Variants in RNF10 observed in about 807,000 individuals in gnomAD.
RNF10 encodes the protein ring finger protein 10.
A neutral mutation model predicts 91.4 loss-of-function variants in RNF10; 38 were observed. That is an observed-to-expected ratio of 0.42 (90% CI 0.32 to 0.54). The LOEUF (loss-of-function observed/expected upper bound fraction) is 0.54. Ranked by LOEUF, RNF10 falls within the 20% of genes least tolerant of loss-of-function variation. The pLI is 0.16. For synonymous variants in RNF10, 364 were observed against 366.3 expected (o/e 0.99, Z 0.07); for missense variants, 945 against 1,012.0 (o/e 0.93, Z 0.90).
chr12:120,563,527 G>T lies in RNF10; in HGVS notation c.1435G>T (p.Glu479Ter). 1.2e-6 allele frequency: 2 copies of T among 1,614,188 alleles called. No individual in the cohort carries two copies. Among genetic ancestry groups the T allele is most frequent in the Non-Finnish European group, 1.7e-6 (2 of 1,180,036 alleles). ...DLELADDNLKEGTICTESSQQ... is the reference protein window; with the variant it reads ...DLELADDNLK ...GGAGTTAGCAGATGACAATCTTAAA[G>T]AGGGGACCATTTGCACTGAGTCCAG... is the stretch of plus-strand genomic sequence containing the variant. The change falls in exon 9 of 17, where the codon GAG becomes TAG. Residue 479 changes from glutamate (E) to a stop codon, truncating the protein, a stop_gained. Transcript: ENST00000325954. LOFTEE classifies it high-confidence loss of function.
At chr12:120,542,916 A>G (rs1593053042) in intron 1 of RNF10, among the ~76,000 whole-genome samples, 1 of 152,254 alleles carries the variant, frequency 6.6e-6, no homozygotes, top group South Asian at 2.1e-4. Context: ...GTAGGAGTGA[A>G]CCTAGCCTGT....
chr12:120,572,462 G>A (rs1876790491), intron 14 of RNF10, among the ~76,000 whole-genome samples: 1 of 152,122 alleles, frequency 6.6e-6, no homozygotes, highest in Non-Finnish European at 1.5e-5. Flanking sequence ...TGGTAAGGAG[G>A]GTTCCGAAGT....
chr12:120,566,732 A>C (rs1452090694), intron 12 of RNF10, 93 bp from the exon 13 acceptor site: 8 of 1,196,516 alleles, frequency 6.7e-6, no homozygotes, highest in Non-Finnish European at 7.3e-6. Context: ...ACTACACTCC[A>C]GCCTGGGTGA....
intron 13 of RNF10, among the ~76,000 whole-genome samples, chr12:120,567,424 C>T (rs1173504469): frequency 1.3e-5 from 2 of 151,968 alleles, no homozygotes; most frequent in Admixed American, 6.6e-5. Context: ...ACCAGAAGGC[C>T]GGGCGTGGTG....
chr12:120,541,912 G>A (rs1871629802), intron 1 of RNF10, among the ~76,000 whole-genome samples: 1 of 150,500 alleles, frequency 6.6e-6, no homozygotes, highest in Non-Finnish European at 1.5e-5. Context: ...TGTCTCCCAG[G>A]CTGGAGTGCA....
chr12:120,535,110 T>C, intron 1 of RNF10, 142 bp downstream of exon 1: 2 of 919,950 alleles, frequency 2.2e-6, no homozygotes, highest in Non-Finnish European at 3.1e-6. Flanking sequence ...GGCTCTCATT[T>C]GCAGTTACAT....
At chr12:120,544,377 G>T (rs990219007) in intron 1 of RNF10, among the ~76,000 whole-genome samples, 3 of 150,712 alleles carry the variant, frequency 2.0e-5, no homozygotes, top group Non-Finnish European at 4.4e-5. Context: ...AAAAAAATTG[G>T]CTGGGAGTGT....
Position 120,563,189 on chromosome 12 carries a change from T to C in RNF10, c.1254+119T>C. 4 of 1,503,146 alleles carry C rather than the reference T, an allele frequency of 2.7e-6. No homozygotes were observed. The East Asian group carries it at 9.1e-5, about 34-fold the overall frequency. 93.1% of individuals were successfully genotyped at this position (1,503,146 alleles called of 1,614,324 possible). A position where few individuals can be genotyped will look rare whatever the true frequency, so the allele number is the denominator to read the frequency against. On this transcript the variant is annotated intron_variant, in intron 8 of 16. Coordinates refer to ENST00000325954, the MANE Select transcript of RNF10 (RefSeq NM_014868.5). Reference sequence around the variant, plus strand: ...AAGAGGGGACAATGAGTATTTTCTGTATGCTTGTTATTAGTTCTTTCCCCA... The same window carrying C: ...AAGAGGGGACAATGAGTATTTTCTGCATGCTTGTTATTAGTTCTTTCCCCA...
intron 6 of RNF10, among the ~76,000 whole-genome samples, chr12:120,559,102 T>C (rs1300024316): frequency 6.6e-6 from 1 of 151,148 alleles, no homozygotes; most frequent in Non-Finnish European, 1.5e-5. Flanking sequence ...GGCATGCAGG[T>C]ATAGTTAATT....
intron 6 of RNF10, among the ~76,000 whole-genome samples, chr12:120,559,009 T>C (rs530450063): frequency 7.2e-5 from 11 of 151,732 alleles, no homozygotes; most frequent in African/African-American, 2.2e-4. Flanking sequence ...TTAATTAAAT[T>C]CATTAAAATA....
intron 13 of RNF10, 122 bp from the exon 14 acceptor site, chr12:120,571,069 T>C (rs951126411): frequency 7.6e-5 from 44 of 577,394 alleles, no homozygotes; most frequent in Non-Finnish European, 1.3e-4. Flanking sequence ...AATGTTTGCT[T>C]TTTTTTTTTT....
intron 1 of RNF10, among the ~76,000 whole-genome samples, chr12:120,539,797 A>G (rs756674770): frequency 3.3e-5 from 5 of 150,072 alleles, no homozygotes; most frequent in Non-Finnish European, 7.4e-5. Flanking sequence ...AGTTCTTGGC[A>G]GTTGTTCTCA....
At chr12:120,556,388 C>T (rs897040555) in intron 4 of RNF10, among the ~76,000 whole-genome samples, 10 of 150,854 alleles carry the variant, frequency 6.6e-5, no homozygotes, top group East Asian at 2.0e-4. Context: ...AAAATTAGCC[C>T]GGCGCAGTGG....
intron 2 of RNF10, among the ~76,000 whole-genome samples, chr12:120,548,580 C>A (rs1014271147): frequency 2.6e-5 from 4 of 151,754 alleles, no homozygotes; most frequent in Admixed American, 2.6e-4. Context: ...CAGTACTTTT[C>A]AGTGGCTTTG....
Position 120,576,711 on chromosome 12 carries a change from T to C in RNF10, c.*45T>C. ...CTTCTCCATCTGGTTTTTGTTTTTG[T>C]TTTTTTTTCCCCCATGCTTTTGTTT... On this transcript the variant is annotated 3_prime_UTR_variant, in exon 17 of 17. Coordinates refer to ENST00000325954, the MANE Select transcript of RNF10 (RefSeq NM_014868.5). The C allele has an allele frequency of 3.2e-6, 5 of 1,581,626 alleles. No individual in the cohort carries two copies. Among genetic ancestry groups the C allele is most frequent in the Non-Finnish European group, 4.3e-6 (5 of 1,167,314 alleles).
intron 2 of RNF10, among the ~76,000 whole-genome samples, chr12:120,548,892 G>A (rs1489253538): frequency 4.6e-5 from 7 of 151,926 alleles, no homozygotes; most frequent in African/African-American, 1.7e-4. Context: ...CGGTGGTCTC[G>A]ATCTTCTGAC....
At chr12:120,562,909 C>G in intron 7 of RNF10, 36 bp from the exon 8 acceptor site, 2 of 1,613,044 alleles carry the variant, frequency 1.2e-6, no homozygotes, top group Non-Finnish European at 1.7e-6. Flanking sequence ...TGTCTGGAAA[C>G]TTAACCTTCT....
At chr12:120,540,289 G>A (rs1395718731) in intron 1 of RNF10, among the ~76,000 whole-genome samples, 1 of 151,980 alleles carries the variant, frequency 6.6e-6, no homozygotes, top group Non-Finnish European at 1.5e-5. Flanking sequence ...AGCCTAGATT[G>A]AACCCGTGGG....
At chr12:120,559,026 ATTAAT>A (rs536709766) in intron 6 of RNF10, among the ~76,000 whole-genome samples, 187 of 146,950 alleles carry the variant, frequency 1.3e-3, no homozygotes, top group East Asian at 9.3e-3. Flanking sequence ...AATAATTAAA[ATTAAT>A]TTAATTAATT....
Sources: gnomAD v4.1 joint callset for allele counts (sites outside exome capture counted in the v4.1 genomes callset) on GRCh38, gnomAD v4.1.1 for gene constraint, MANE v1.5 for transcripts, NCBI Gene and HGNC (gene_info 2026-07-23, HGNC 2026-07-21) for gene names.